TAFA5: variants seen among roughly 807,000 people sequenced by gnomAD.
TAFA5 encodes chemokine-like protein TAFA-5.
In TAFA5, 6 loss-of-function variants were observed where a neutral mutation model predicts 15.3. The observed-to-expected ratio is 0.39, with a 90% CI of 0.21 to 0.77. The LOEUF is 0.77. Among genes scored for constraint, TAFA5 ranks in the 30% least tolerant of loss-of-function variants. TAFA5 has a pLI of 0.41. For missense variants in TAFA5, 161 were observed against 193.1 expected (o/e 0.83, Z 0.98); for synonymous variants, 103 against 80.7 (o/e 1.28, Z -1.48).
chr22:48,693,266 C>G, intron 2 of TAFA5: 1 of 1,566,660 alleles, frequency 6.4e-7, no homozygotes, highest in Non-Finnish European at 8.6e-7. Context: ...ATGCTCAGAC[C>G]TTTTCATCCC....
At chr22:48,635,943 G>A (rs1379648876) in intron 1 of TAFA5, among the ~76,000 whole-genome samples, 3 of 152,248 alleles carry the variant, frequency 2.0e-5, no homozygotes, top group Non-Finnish European at 4.4e-5. Context: ...ACTTGGCCCA[G>A]GCAGAGCTTG....
At chr22:48,507,462 G>C (rs75208219) in intron 1 of TAFA5, among the ~76,000 whole-genome samples, 1 of 152,198 alleles carries the variant, frequency 6.6e-6, no homozygotes, top group South Asian at 2.1e-4. Context: ...ATCGCCAGAC[G>C]TGGTGGCGTC....
At chr22:48,535,982 T>C (rs972864109) in intron 1 of TAFA5, among the ~76,000 whole-genome samples, 1 of 152,222 alleles carries the variant, frequency 6.6e-6, no homozygotes, top group Non-Finnish European at 1.5e-5. Flanking sequence ...TGGGCACTCA[T>C]GCATGGCTGC....
chr22:48,651,083 A>T (rs1260100246), intron 2 of TAFA5, among the ~76,000 whole-genome samples: 1 of 152,168 alleles, frequency 6.6e-6, no homozygotes, highest in East Asian at 1.9e-4. Flanking sequence ...TTCCTTTATG[A>T]AGAGAGGTGC....
chr22:48,548,805 C>G (rs976115959), intron 1 of TAFA5, among the ~76,000 whole-genome samples: 28 of 152,260 alleles, frequency 1.8e-4, no homozygotes, highest in African/African-American at 2.4e-5. Flanking sequence ...ACCGAAGTCT[C>G]TTATCTCCTG....
At position 48,630,611 on chromosome 22, in the gene TAFA5, G is replaced by T. The variant is rs375898679; in HGVS notation, c.113-15986G>T. 4.1e-4 allele frequency among the ~76,000 whole-genome samples: 62 copies of T among 152,288 alleles called. No homozygotes were observed. The South Asian group carries it at 0.013, about 31-fold the overall frequency. ...TGGGGCCAGGTGGACCCAGTGAGGC[G>T]CTAATGATGGAAGTCTGTGCAGTGA... On this transcript the variant is annotated intron_variant, in intron 1 of 3. Transcript: ENST00000402357.
chr22:48,513,654 G>T (rs748930682), intron 1 of TAFA5, among the ~76,000 whole-genome samples: 1 of 152,256 alleles, frequency 6.6e-6, no homozygotes, highest in Admixed American at 6.5e-5. Flanking sequence ...CCCAGAGCCC[G>T]CGTCTGCCCT....
rs114063110 is a variant in TAFA5 at position 48,516,186 on chromosome 22, C to A, written c.112+26482C>A. Among the ~76,000 whole-genome samples the A allele has an allele frequency of 7.3e-3, 1,108 of 152,230 alleles. 12 individuals are homozygous for A. Among genetic ancestry groups the A allele is most frequent in the African/African-American group, 0.025 (1,057 of 41,548 alleles). On this transcript the variant is annotated intron_variant, in intron 1 of 3. Coordinates refer to ENST00000402357, the MANE Select transcript of TAFA5 (RefSeq NM_001082967.3). ...AAAGACTAATTAAACCAGATGGCGG[C>A]GAAACCCACGTGGAGGCGCCGAGAC...
rs1230256161 is a variant in TAFA5 at position 48,747,352 on chromosome 22, T to C, written c.391-2487T>C. On this transcript the variant is annotated intron_variant, in intron 3 of 3. Coordinates refer to ENST00000402357, the MANE Select transcript of TAFA5 (RefSeq NM_001082967.3). ...ACCTGGCCTTGGGGTGCAGGAAGCG[T>C]TGGGGCCTTGGTTGTGACCTGGCTC... is the stretch of plus-strand genomic sequence containing the variant. Among the ~76,000 whole-genome samples, 9 of 152,080 alleles carry C rather than the reference T, an allele frequency of 5.9e-5. No individual in the cohort carries two copies. The East Asian group carries it at 1.2e-3, about 20-fold the overall frequency.
chr22:48,506,226 C>T (rs1920995415), intron 1 of TAFA5, among the ~76,000 whole-genome samples: 1 of 152,202 alleles, frequency 6.6e-6, no homozygotes, highest in African/African-American at 2.4e-5. Flanking sequence ...CATGACTTGA[C>T]CTTGCATGGA....
chr22:48,658,092 C>T (rs1348004470), intron 2 of TAFA5, among the ~76,000 whole-genome samples: 5 of 152,174 alleles, frequency 3.3e-5, no homozygotes, highest in East Asian at 1.9e-4. Context: ...GTGGTGCTGG[C>T]GCGGGCCCTG....
intron 1 of TAFA5, among the ~76,000 whole-genome samples, chr22:48,610,140 G>A (rs1925344596): frequency 1.3e-5 from 2 of 152,198 alleles, no homozygotes; most frequent in South Asian, 2.1e-4. Flanking sequence ...ACCTAAGGTC[G>A]GCTCAGCAGG....
chr22:48,747,928 T>C (rs1304744794), intron 3 of TAFA5, among the ~76,000 whole-genome samples: 3 of 150,548 alleles, frequency 2.0e-5, no homozygotes, highest in African/African-American at 7.3e-5. Flanking sequence ...AATAGCGTGT[T>C]CCTTCATACA....
At chr22:48,563,074 C>T (rs186450535) in intron 1 of TAFA5, among the ~76,000 whole-genome samples, 304 of 152,308 alleles carry the variant, frequency 2.0e-3, no homozygotes, top group Non-Finnish European at 3.6e-3. Flanking sequence ...TCAAGAGCCT[C>T]GGCCCTTGAC....
chr22:48,584,765 C>A (rs779448150), intron 1 of TAFA5, among the ~76,000 whole-genome samples: 10 of 150,404 alleles, frequency 6.6e-5, no homozygotes, highest in South Asian at 2.1e-4. Flanking sequence ...ACACAACACA[C>A]CACACACATC....
chr22:48,718,976 T>C (rs13054429), intron 3 of TAFA5, among the ~76,000 whole-genome samples: 41,197 of 152,202 alleles, frequency 0.27, 5,856 homozygotes, highest in Admixed American at 0.36. Flanking sequence ...CATGTCCTCC[T>C]AGCTGAGCAA....
chr22:48,667,661 T>C (rs540388670), intron 2 of TAFA5, among the ~76,000 whole-genome samples: 2 of 152,334 alleles, frequency 1.3e-5, no homozygotes, highest in East Asian at 1.9e-4. Context: ...CTGACTCCCC[T>C]GGCAAAAATA....
rs900432746 is a variant in TAFA5 at position 48,569,580 on chromosome 22, C to T, written c.113-77017C>T. On this transcript the variant is annotated intron_variant, in intron 1 of 3. Transcript: ENST00000402357. ...CTCACCAGAGCAACCTCAGCGCTCC[C>T]GACCTTGGCTGTGTGCATGGTGCCC... Among the ~76,000 whole-genome samples the T allele has an allele frequency of 3.9e-5, 6 of 152,166 alleles. No homozygotes were observed. The East Asian group carries it at 5.8e-4, about 15-fold the overall frequency.
rs183468501 is a variant in TAFA5 at position 48,552,621 on chromosome 22, G to A, written c.112+62917G>A. Among the ~76,000 whole-genome samples, 329 of 152,328 alleles carry A rather than the reference G, an allele frequency of 2.2e-3. No individual in the cohort carries two copies. The highest frequency in any genetic ancestry group is 7.5e-3 in the African/African-American group (313 of 41,570). The stretch of plus-strand genomic sequence containing the variant: ...TAGAACCCCCGTCGCAGGGCTCGGA[G>A]TTGCGGGCAGGGTGGGAGACCCCTT... On this transcript the variant is annotated intron_variant, in intron 1 of 3. Coordinates refer to ENST00000402357, the MANE Select transcript of TAFA5 (RefSeq NM_001082967.3). This position sits in a 1 kb window ranked among gnomAD's most constrained non-coding sequence, Gnocchi z 4.1.
Sources: allele counts gnomAD v4.1 joint callset (sites outside exome capture counted in the v4.1 genomes callset), GRCh38; gene constraint gnomAD v4.1.1; non-coding constraint Gnocchi (gnomAD v3.1); transcripts MANE v1.5; gene names NCBI Gene and HGNC (gene_info 2026-07-23, HGNC 2026-07-21).